Variants in ULK4 observed in about 807,000 individuals in gnomAD.
ULK4 encodes the protein unc-51 like kinase 4, also known as inactive serine/threonine-protein kinase ULK4.
A neutral mutation model predicts 160.6 loss-of-function variants in ULK4; 133 were observed. The ratio of observed to expected loss-of-function variants is 0.83; its 90% CI spans 0.72 to 0.96. The LOEUF (loss-of-function observed/expected upper bound fraction) is 0.96. Ranked by LOEUF, ULK4 falls within the 40% of genes least tolerant of loss-of-function variation. ULK4 has a pLI of 0.00. For synonymous variants in ULK4, 534 were observed against 539.8 expected (o/e 0.99, Z 0.15); for missense variants, 1,580 against 1,499.5 (o/e 1.05, Z -0.89).
At chr3:41,528,724 A>T (rs1362368204) in intron 32 of ULK4, among the ~76,000 whole-genome samples, 1 of 152,236 alleles carries the variant, frequency 6.6e-6, no homozygotes, top group East Asian at 1.9e-4. Flanking sequence ...TCATGATTCC[A>T]TTCAGAGATA....
chr3:41,841,277 C>A (rs2041918622), intron 17 of ULK4, among the ~76,000 whole-genome samples: 1 of 145,000 alleles, frequency 6.9e-6, no homozygotes, highest in African/African-American at 2.5e-5. Flanking sequence ...TGCCTGGCCG[C>A]CCCGTCTGGG....
chr3:41,871,543 T>G (rs1256577762), intron 17 of ULK4, among the ~76,000 whole-genome samples: 3 of 152,254 alleles, frequency 2.0e-5, no homozygotes, highest in Non-Finnish European at 2.9e-5. Flanking sequence ...ACTATTATAT[T>G]GCTTTAATAG....
At position 41,508,498 on chromosome 3, in the gene ULK4, G is replaced by A. The variant is rs544395293; in HGVS notation, c.3227-45245C>T. Among the ~76,000 whole-genome samples the A allele has an allele frequency of 9.2e-5, 14 of 152,106 alleles. 1 individual carries two copies. Among genetic ancestry groups the A allele is most frequent in the South Asian group, 6.2e-4 (3 of 4,816 alleles). The stretch of plus-strand genomic sequence containing the variant: ...TCACAGGCAATGCACTTTTGAAAGC[G>A]CCACCTCCTGGCTGGAGGTCAACCA... On this transcript the variant is annotated intron_variant, in intron 32 of 36. Transcript: ENST00000301831.
intron 32 of ULK4, among the ~76,000 whole-genome samples, chr3:41,519,531 C>A (rs549337161): frequency 6.6e-6 from 1 of 152,272 alleles, no homozygotes; most frequent in Admixed American, 6.5e-5. Context: ...GTTGGGACAC[C>A]ACACAGTTGT....
At chr3:41,603,541 A>AT (rs1245548252) in intron 31 of ULK4, among the ~76,000 whole-genome samples, 1 of 151,796 alleles carries the variant, frequency 6.6e-6, no homozygotes, top group Non-Finnish European at 1.5e-5. Flanking sequence ...TAGAATACAC[A>AT]TTTTTTTTCA....
rs545100317 is a variant in ULK4 at position 41,595,329 on chromosome 3, C to A, written c.3120+20340G>T. Among the ~76,000 whole-genome samples, 38 of 152,222 alleles carry A rather than the reference C, an allele frequency of 2.5e-4. No individual in the cohort carries two copies. In the South Asian group the frequency reaches 7.1e-3, roughly 28 times the overall value. ...GCCGCGGTCAACTTCTGGCAGAACC[C>A]AACTAGAAGCCAGTAAGCTACAGAG... On this transcript the variant is annotated intron_variant, in intron 31 of 36. Coordinates refer to ENST00000301831, the MANE Select transcript of ULK4 (RefSeq NM_017886.4).
intron 27 of ULK4, among the ~76,000 whole-genome samples, chr3:41,682,595 T>C (rs1346728870): frequency 6.6e-6 from 1 of 152,242 alleles, no homozygotes; most frequent in Non-Finnish European, 1.5e-5. Flanking sequence ...AGAATCTCCA[T>C]ATGTGGCTGG....
At chr3:41,531,490 G>A (rs1164822862) in intron 32 of ULK4, among the ~76,000 whole-genome samples, 1 of 127,402 alleles carries the variant, frequency 7.8e-6, no homozygotes, top group East Asian at 2.2e-4. Context: ...GGAGAGGAGA[G>A]GAGAGAAGAA....
intron 35 of ULK4, among the ~76,000 whole-genome samples, chr3:41,334,286 AG>A (rs1268772605): frequency 1.3e-5 from 2 of 152,154 alleles, no homozygotes; most frequent in East Asian, 3.9e-4. Flanking sequence ...TGCCTCATCT[AG>A]TCTCCATCAG....
rs1399429104 is a variant in ULK4 at position 41,935,949 on chromosome 3, G to A, written c.239-9C>T. 5.6e-6 allele frequency: 9 copies of A among 1,611,890 alleles called. No individual in the cohort carries two copies. The highest frequency in any genetic ancestry group is 7.6e-6 in the Non-Finnish European group (9 of 1,179,438). ...TGTTTTTAAGGAACCACCTGCAAGA[G>A]GTTGATTAAAATCACCCATTTCAAC... On this transcript the variant is annotated splice_polypyrimidine_tract_variant and intron_variant, in intron 3 of 36. Transcript: ENST00000301831.
At chr3:41,306,412 C>T (rs574869136) in intron 35 of ULK4, among the ~76,000 whole-genome samples, 8 of 143,954 alleles carry the variant, frequency 5.6e-5, no homozygotes, top group South Asian at 4.4e-4. Flanking sequence ...TCTGCCCGGC[C>T]GCCCCTACTG....
At chr3:41,602,185 C>A (rs972027871) in intron 31 of ULK4, among the ~76,000 whole-genome samples, 3 of 148,262 alleles carry the variant, frequency 2.0e-5, no homozygotes, top group Non-Finnish European at 3.0e-5. Context: ...CAGAGCAAGA[C>A]TCTGTCTGTA....
intron 29 of ULK4, 83 bp downstream of exon 29, chr3:41,681,424 CA>C: frequency 6.4e-7 from 1 of 1,570,532 alleles, no homozygotes; most frequent in Non-Finnish European, 8.6e-7. Flanking sequence ...ATCAAGACCC[CA>C]ACCCCATCAC....
intron 22 of ULK4, among the ~76,000 whole-genome samples, chr3:41,749,412 G>GGCAGAGGCT: frequency 6.6e-6 from 1 of 151,090 alleles, no homozygotes. Flanking sequence ...GAATCTGGGA[G>GGCAGAGGCT]GCAGAGGCTG....
intron 21 of ULK4, among the ~76,000 whole-genome samples, chr3:41,773,218 C>A (rs2039467691): frequency 6.6e-6 from 1 of 152,118 alleles, no homozygotes. Context: ...AAGTTCTGGC[C>A]AGGGCAATCA....
chr3:41,477,509 G>C (rs2084179099), intron 32 of ULK4, among the ~76,000 whole-genome samples: 1 of 152,168 alleles, frequency 6.6e-6, no homozygotes, highest in Admixed American at 6.5e-5. Flanking sequence ...ACTAGGGTTT[G>C]TTAAAATCAA....
At chr3:41,741,654 C>T (rs2038242795) in intron 22 of ULK4, among the ~76,000 whole-genome samples, 1 of 151,920 alleles carries the variant, frequency 6.6e-6, no homozygotes. Flanking sequence ...TTTCCAATCA[C>T]TTAAATCACC....
At chr3:41,843,244 A>C (rs1469508965) in intron 17 of ULK4, among the ~76,000 whole-genome samples, 1 of 152,224 alleles carries the variant, frequency 6.6e-6, no homozygotes, top group East Asian at 1.9e-4. Flanking sequence ...AATTAAAACC[A>C]AAATAAGATA....
chr3:41,463,026 A>G, intron 33 of ULK4, 61 bp downstream of exon 33: 1 of 1,542,380 alleles, frequency 6.5e-7, no homozygotes, highest in Non-Finnish European at 8.8e-7. Context: ...AAAGAAGAGA[A>G]TGAAAGGGAA....
Sources: gnomAD v4.1 joint callset for allele counts (sites outside exome capture counted in the v4.1 genomes callset) on GRCh38, gnomAD v4.1.1 for gene constraint, MANE v1.5 for transcripts, NCBI Gene and HGNC (gene_info 2026-07-23, HGNC 2026-07-21) for gene names.